VPS13D: variants seen among roughly 807,000 people sequenced by gnomAD.
VPS13D encodes the protein intermembrane lipid transfer protein VPS13D.
Under a neutral mutation model 461.9 loss-of-function variants are expected in VPS13D, and 187 were observed. The observed-to-expected ratio is 0.40, with a 90% CI of 0.36 to 0.46. The LOEUF is 0.46. VPS13D is among the 20% of genes least tolerant of loss of function. The pLI is 0.60. For synonymous variants in VPS13D, 1,951 were observed against 1,986.3 expected, an observed-to-expected ratio of 0.98 and a Z score of 0.47; for missense variants, 4,711 against 5,364.9, an observed-to-expected ratio of 0.88 and a Z score of 3.81.
intron 56 of VPS13D, among the ~76,000 whole-genome samples, chr1:12,379,224 T>C (rs1023281759): frequency 6.6e-6 from 1 of 152,246 alleles, no homozygotes; most frequent in Non-Finnish European, 1.5e-5. Context: ...GTTTTGAGAA[T>C]GCAAGAAGCC....
intron 57 of VPS13D, among the ~76,000 whole-genome samples, chr1:12,381,972 TTCTTTCTTTCTC>T (rs1428993419): frequency 1.2e-4 from 17 of 140,070 alleles, no homozygotes; most frequent in African/African-American, 4.1e-4. Flanking sequence ...CTTTCTTTCT[TTCTTTCTTTCTC>T]TCTCTCTCTC....
intron 60 of VPS13D, among the ~76,000 whole-genome samples, chr1:12,392,808 A>G (rs923507561): frequency 6.6e-6 from 1 of 152,168 alleles, no homozygotes; most frequent in Admixed American, 6.5e-5. Context: ...CACCTCAAGC[A>G]CCATTGGATC....
intron 23 of VPS13D, among the ~76,000 whole-genome samples, chr1:12,293,224 G>A (rs1642182754): frequency 6.6e-6 from 1 of 152,110 alleles, no homozygotes; most frequent in Non-Finnish European, 1.5e-5. Context: ...CAGGAACATG[G>A]TGAGCAGGAA....
chr1:12,257,846 G>A, intron 9 of VPS13D, 89 bp from the exon 10 acceptor site: 2 of 1,452,170 alleles, frequency 1.4e-6, no homozygotes, highest in South Asian at 1.2e-5. Context: ...TCTCAGGAGA[G>A]GAGTGGGGTT....
chr1:12,318,251 A>G lies in VPS13D; in HGVS notation c.7328A>G (p.Lys2443Arg). 3 of 1,614,148 alleles carry G rather than the reference A, an allele frequency of 1.9e-6. No homozygotes were observed. The highest frequency in any genetic ancestry group is 2.5e-6 in the Non-Finnish European group (3 of 1,180,030). Residue 2443 changes from lysine (K) to arginine (R), a missense_variant, in exon 31 of 70, where the codon AAA becomes AGA. Lys to Arg is a conservative substitution (Grantham distance 26). Transcript: ENST00000620676. ...AGCAGCGAATCTGCTATAGTTCCCA[A>G]AACTGTGAAGAGTGGAGTAGTTACC... ...NSSSESAIVP[K>R]TVKSGVVTKR...
chr1:12,362,108 C>G lies in VPS13D; in HGVS notation c.10142-612C>G, dbSNP rs544586137. On this transcript the variant is annotated intron_variant, in intron 50 of 69. Coordinates refer to ENST00000620676, the MANE Select transcript of VPS13D (RefSeq NM_015378.4). The stretch of plus-strand genomic sequence containing the variant: ...GAACTCCTGACCTCAAATGATCCAC[C>G]CATCTCGGCCTCCCAAAGTGCTGGG... 3.3e-5 allele frequency among the ~76,000 whole-genome samples: 5 copies of G among 152,250 alleles called. No homozygotes were observed. In the East Asian group the frequency reaches 9.7e-4, roughly 29 times the overall value.
chr1:12,472,811 C>A (rs1330832611), intron 67 of VPS13D, among the ~76,000 whole-genome samples: 1 of 152,198 alleles, frequency 6.6e-6, no homozygotes, highest in Non-Finnish European at 1.5e-5. Flanking sequence ...AAACCCATAT[C>A]CATTCAGCCA....
chr1:12,466,702 T>C (rs1171579994), intron 67 of VPS13D, among the ~76,000 whole-genome samples: 2 of 152,246 alleles, frequency 1.3e-5, no homozygotes, highest in Non-Finnish European at 2.9e-5. Flanking sequence ...CTGGAACTTG[T>C]ACCTGTTTGA....
chr1:12,317,493 G>A (rs187991248), intron 30 of VPS13D, among the ~76,000 whole-genome samples: 98 of 151,752 alleles, frequency 6.5e-4, no homozygotes, highest in African/African-American at 2.2e-3. Flanking sequence ...CCTGTACATC[G>A]TGGGTTAGTT....
At chr1:12,455,158 C>G (rs1299648760) in intron 65 of VPS13D, among the ~76,000 whole-genome samples, 1 of 152,176 alleles carries the variant, frequency 6.6e-6, no homozygotes, top group Non-Finnish European at 1.5e-5. Flanking sequence ...GAACGGTGAC[C>G]TAACCTGTTA....
At chr1:12,261,283 A>T in intron 12 of VPS13D, 134 bp downstream of exon 12, 2 of 1,075,854 alleles carry the variant, frequency 1.9e-6, no homozygotes, top group Non-Finnish European at 2.7e-6. Flanking sequence ...CTGAGAGAAG[A>T]AGTATTTTGG....
At chr1:12,316,328 A>T (rs1437984872) in intron 30 of VPS13D, among the ~76,000 whole-genome samples, 1 of 152,200 alleles carries the variant, frequency 6.6e-6, no homozygotes. Context: ...AATGTTCTTT[A>T]GATGGGAATT....
chr1:12,334,694 G>A (rs997694708), intron 38 of VPS13D, among the ~76,000 whole-genome samples: 2 of 152,238 alleles, frequency 1.3e-5, no homozygotes, highest in African/African-American at 4.8e-5. Flanking sequence ...GAGTGCAGGA[G>A]TTCAAAGTTA....
chr1:12,382,289 A>T (rs954807931), intron 57 of VPS13D, among the ~76,000 whole-genome samples: 4 of 152,002 alleles, frequency 2.6e-5, no homozygotes, highest in African/African-American at 9.7e-5. Flanking sequence ...TTTAGTAGAG[A>T]TAGGGTTTCA....
At chr1:12,285,452 A>G (rs1256228200) in intron 21 of VPS13D, among the ~76,000 whole-genome samples, 3 of 151,522 alleles carry the variant, frequency 2.0e-5, no homozygotes, top group African/African-American at 7.3e-5. Context: ...CGCCATGCCC[A>G]TCTAATTTTG....
Position 12,260,974 on chromosome 1 carries a change from TC to T in VPS13D, c.1241del (p.Pro414GlnfsTer73). On this transcript the variant is annotated frameshift_variant, in exon 12 of 70. Transcript: ENST00000620676. LOFTEE classifies it high-confidence loss of function. ...ESLREPQFDS[P>X]GACPGAPEPG... Reference sequence around the variant, plus strand: ...GTCTGCGGGAGCCTCAGTTTGATTCTCCAGGAGCCTGTCCGGGAGCCCCAGA... The same window carrying T: ...GTCTGCGGGAGCCTCAGTTTGATTCTCAGGAGCCTGTCCGGGAGCCCCAGA... The T allele has an allele frequency of 6.2e-7, 1 of 1,613,804 alleles. No individual in the cohort carries two copies. The highest frequency in any genetic ancestry group is 8.5e-7 in the Non-Finnish European group (1 of 1,179,994).
chr1:12,494,362 G>T (rs1246593178), intron 67 of VPS13D, among the ~76,000 whole-genome samples: 1 of 152,214 alleles, frequency 6.6e-6, no homozygotes, highest in African/African-American at 2.4e-5. Flanking sequence ...GGGAGTGGGG[G>T]TGAGGTTGGA....
intron 2 of VPS13D, among the ~76,000 whole-genome samples, chr1:12,242,071 T>TAA (rs539184850): frequency 4.1e-4 from 58 of 142,986 alleles, no homozygotes; most frequent in African/African-American, 1.4e-3. Flanking sequence ...TAAAGGTTGA[T>TAA]AAAAAAAAAA....
At position 12,234,225 on chromosome 1, in the gene VPS13D, A is replaced by G. The variant is rs776537182; in HGVS notation, c.-42A>G. 2 of 1,341,522 alleles carry G rather than the reference A, an allele frequency of 1.5e-6. No homozygotes were observed. Among genetic ancestry groups the G allele is most frequent in the African/African-American group, 1.5e-5 (1 of 68,424 alleles). 83.1% of individuals were successfully genotyped at this position (1,341,522 alleles called of 1,614,324 possible). ...TGACCATGAAAGAGAGAAATAAAGA[A>G]TGATCCATGATTTCTAAACACCTTT... On this transcript the variant is annotated 5_prime_UTR_variant, in exon 2 of 70. An upstream start codon of the reference 5' UTR is lost. Coordinates refer to ENST00000620676, the MANE Select transcript of VPS13D (RefSeq NM_015378.4).
Sources: gnomAD v4.1 joint callset for allele counts (sites outside exome capture counted in the v4.1 genomes callset) on GRCh38, gnomAD v4.1.1 for gene constraint, MANE v1.5 for transcripts, NCBI Gene and HGNC (gene_info 2026-07-23, HGNC 2026-07-21) for gene names.